The following PXN variants were observed in gnomAD, a reference collection of about 807,000 sequenced individuals.
PXN encodes the protein testicular tissue protein Li 134.
In PXN, 61 loss-of-function variants were observed where a neutral mutation model predicts 103.6. That is an observed-to-expected ratio of 0.59 (90% confidence interval 0.48 to 0.73). PXN has a LOEUF of 0.73. Among genes scored for constraint, PXN ranks in the 30% least tolerant of loss-of-function variants. The pLI is 0.00. For missense variants in PXN, 1,274 were observed against 1,460.3 expected (o/e 0.87, Z 2.08); for synonymous variants, 562 against 607.8 (o/e 0.92, Z 1.11).
chr12:120,246,150 G>A lies in PXN; in HGVS notation c.13+19467C>T, dbSNP rs552824723. 3.1e-3 allele frequency among the ~76,000 whole-genome samples: 475 copies of A among 152,312 alleles called. 1 individual carries two copies. Among genetic ancestry groups the A allele is most frequent in the African/African-American group, 0.011 (458 of 41,556 alleles). ...ACCTATAATCCCAGCGCATTGGGAGGCCAAAGCAGGAGGATTGCTTGAGGC... is the reference window on the plus strand; with the variant it reads ...ACCTATAATCCCAGCGCATTGGGAGACCAAAGCAGGAGGATTGCTTGAGGC... On this transcript the variant is annotated intron_variant, in intron 1 of 14. Transcript: ENST00000637617.
intron 1 of PXN, among the ~76,000 whole-genome samples, chr12:120,248,433 A>G (rs572515191): frequency 6.7e-6 from 1 of 149,222 alleles, no homozygotes; most frequent in South Asian, 2.1e-4. Context: ...CACCTGGTTG[A>G]CTATGTTTCC....
intron 1 of PXN, among the ~76,000 whole-genome samples, chr12:120,258,962 G>A (rs530277748): frequency 2.6e-5 from 4 of 152,148 alleles, no homozygotes; most frequent in African/African-American, 9.6e-5. Context: ...CCAGCTACTC[G>A]GGAGACTGAG....
At position 120,214,090 on chromosome 12, in the gene PXN, G is replaced by A. The variant is rs777866965; in HGVS notation, c.2830+46C>T. ...CAGCGTCTCCCACCCCCACCTCCCC[G>A]GCCCTCCTAAGAGGCGGTGGGTCAG... On this transcript the variant is annotated intron_variant, in intron 13 of 14. Transcript: ENST00000637617. This position sits in a 1 kb window ranked among gnomAD's most constrained non-coding sequence, Gnocchi z 5.0. The A allele has an allele frequency of 1.2e-5, 19 of 1,557,806 alleles. No individual in the cohort carries two copies. The highest frequency in any genetic ancestry group is 3.4e-4 in the Middle Eastern group (2 of 5,966).
chr12:120,224,435 G>T lies in PXN; in HGVS notation c.14-58C>A. On this transcript the variant is annotated intron_variant, in intron 1 of 14. Coordinates refer to ENST00000637617, the MANE Select transcript of PXN (RefSeq NM_001385981.1). This position sits in a 1 kb window ranked among gnomAD's most constrained non-coding sequence, Gnocchi z 5.0. ...ACCGGGATCCTGGGGACTCTCCCGT[G>T]GCAGGGCCCTCCCTGCCTGCACCTC... 1 of 1,277,620 alleles carries T rather than the reference G, an allele frequency of 7.8e-7. No individual in the cohort carries two copies. Among genetic ancestry groups the T allele is most frequent in the Non-Finnish European group, 1.1e-6 (1 of 875,576 alleles). The allele number at this position is 1,277,620 out of a possible 1,614,324, so 79.1% of individuals were successfully genotyped here.
In PXN at chr12:120,222,514, CT is replaced by C; in HGVS notation, c.695+34del. On this transcript the variant is annotated intron_variant, in intron 5 of 14. Transcript: ENST00000637617. This position sits in a 1 kb window ranked among gnomAD's most constrained non-coding sequence, Gnocchi z 4.7. ...GGACCCGGGGCAGGCTGGGCCAGCC[CT>C]TCCCCACCTGGGGAGGGCCCAGTGG... 1 of 1,557,412 alleles carries C rather than the reference CT, an allele frequency of 6.4e-7. No individual in the cohort carries two copies.
intron 1 of PXN, among the ~76,000 whole-genome samples, chr12:120,244,647 CG>C (rs1441401264): frequency 2.8e-5 from 4 of 140,486 alleles, no homozygotes; most frequent in African/African-American, 5.3e-5. Flanking sequence ...GACTCCGTCT[CG>C]GAAAAAAAAA....
rs1279722639 is a variant in PXN at position 120,216,255 on chromosome 12, G to A, written c.2301+18C>T. 2.4e-6 allele frequency: 3 copies of A among 1,275,234 alleles called. No homozygotes were observed. The highest frequency in any genetic ancestry group is 3.0e-6 in the Non-Finnish European group (3 of 1,014,938). 79.0% of individuals were successfully genotyped at this position (1,275,234 alleles called of 1,614,324 possible). A position where few individuals can be genotyped will look rare whatever the true frequency, so the allele number is the denominator to read the frequency against. On this transcript the variant is annotated intron_variant, in intron 9 of 14. Transcript: ENST00000637617. This position sits in a 1 kb window ranked among gnomAD's most constrained non-coding sequence, Gnocchi z 5.1. ...TTAGGACAGGGGACAGAAAGGGAGG[G>A]GCTCCTTTAAGGCCTGCCTGCATCG...
chr12:120,227,966 C>T (rs1309498249), intron 1 of PXN, among the ~76,000 whole-genome samples: 1 of 152,220 alleles, frequency 6.6e-6, no homozygotes, highest in Non-Finnish European at 1.5e-5. Flanking sequence ...GGCAGAGCCC[C>T]ATCCCAGCGG....
intron 1 of PXN, among the ~76,000 whole-genome samples, chr12:120,234,204 T>C (rs779517527): frequency 9.2e-5 from 14 of 151,958 alleles, no homozygotes; most frequent in Non-Finnish European, 5.9e-5. Flanking sequence ...TTCGAAACCA[T>C]GTTGGCCTGG....
intron 1 of PXN, among the ~76,000 whole-genome samples, chr12:120,256,394 C>T (rs1394111829): frequency 1.3e-5 from 2 of 151,942 alleles, no homozygotes; most frequent in African/African-American, 4.8e-5. Context: ...GAGAACAAGA[C>T]CCTGTGAGAA....
rs1037892201 is a variant in PXN, at chr12:120,212,755, A to C, written c.2980-175T>G. On this transcript the variant is annotated intron_variant, in intron 14 of 14. Transcript: ENST00000637617. The surrounding 1 kb of genome is among the most constrained non-coding windows in gnomAD (Gnocchi z 7.2). Reference sequence around the variant, plus strand: ...TTTTTCATTTTTATTTTATTAAATAAATTTTTTTTGTAGAGATGGGGGTCT... The same window carrying C: ...TTTTTCATTTTTATTTTATTAAATACATTTTTTTTGTAGAGATGGGGGTCT... 2.1e-5 allele frequency: 15 copies of C among 710,214 alleles called. No individual in the cohort carries two copies. The East Asian group carries it at 2.4e-4, about 12-fold the overall frequency. 44.0% of individuals were successfully genotyped at this position (710,214 alleles called of 1,614,324 possible). A position where few individuals can be genotyped will look rare whatever the true frequency, so the allele number is the denominator to read the frequency against.
At chr12:120,250,079 C>T in intron 1 of PXN, 1 of 985,660 alleles carries the variant, frequency 1.0e-6, no homozygotes, top group Admixed American at 6.1e-5. Context: ...CCAGAGGAGC[C>T]CATCCCACTC....
At position 120,210,719 on chromosome 12, in the gene PXN, G is replaced by A. The variant is rs946835694; in HGVS notation, c.*1595C>T. The A allele has an allele frequency of 2.6e-5, 4 of 152,900 alleles. No individual in the cohort carries two copies. Among genetic ancestry groups the A allele is most frequent in the African/African-American group, 7.2e-5 (3 of 41,572 alleles). The allele number at this position is 152,900 out of a possible 1,614,324, so 9.5% of individuals were successfully genotyped here. On this transcript the variant is annotated 3_prime_UTR_variant, in exon 15 of 15. Coordinates refer to ENST00000637617, the MANE Select transcript of PXN (RefSeq NM_001385981.1). ...CCCCCAAAAAGGAGGGACCCTCTTC[G>A]GAGACCCCAGCACACTCGGCTTCTG...
chr12:120,253,508 G>A (rs1003184648), intron 1 of PXN, among the ~76,000 whole-genome samples: 2 of 152,092 alleles, frequency 1.3e-5, no homozygotes, highest in African/African-American at 4.8e-5. Context: ...AAAGAGACCG[G>A]GCTAGTTGTG....
chr12:120,238,359 GT>G (rs913893001), intron 1 of PXN, among the ~76,000 whole-genome samples: 3 of 152,180 alleles, frequency 2.0e-5, no homozygotes, highest in Admixed American at 2.0e-4. Context: ...AGCCTCATGG[GT>G]AAACTGAACG....
At position 120,244,809 on chromosome 12, in the gene PXN, G is replaced by A. The variant is rs185890801; in HGVS notation, c.14-20432C>T. On this transcript the variant is annotated intron_variant, in intron 1 of 14. Transcript: ENST00000637617. ...TGCACTCCAGCCTGGGTGACAGAGCGAGACTCTGTCTCAAAACAAATAAAT... is the reference window on the plus strand; with the variant it reads ...TGCACTCCAGCCTGGGTGACAGAGCAAGACTCTGTCTCAAAACAAATAAAT... Among the ~76,000 whole-genome samples, 1,231 of 151,784 alleles carry A rather than the reference G, an allele frequency of 8.1e-3. 31 individuals carry two copies. The highest frequency in any genetic ancestry group is 0.059 in the Admixed American group (894 of 15,238).
intron 1 of PXN, among the ~76,000 whole-genome samples, chr12:120,232,943 G>C (rs1448434497): frequency 6.6e-6 from 1 of 152,154 alleles, no homozygotes; most frequent in East Asian, 1.9e-4. Context: ...GACTTCCCCA[G>C]TTCTCTTTTC....
At chr12:120,239,547 A>G (rs1009106792) in intron 1 of PXN, among the ~76,000 whole-genome samples, 5 of 152,004 alleles carry the variant, frequency 3.3e-5, no homozygotes, top group African/African-American at 9.7e-5. Context: ...GTGCCACTGC[A>G]CTCCAACCTG....
At position 120,212,737 on chromosome 12, in the gene PXN, T is replaced by G. The variant is rs942153071; in HGVS notation, c.2980-157A>C. On this transcript the variant is annotated intron_variant, in intron 14 of 14. Transcript: ENST00000637617. The surrounding 1 kb of genome is among the most constrained non-coding windows in gnomAD (Gnocchi z 7.2). ...TGTTGTCCTAAACGCTCATTTTTCATTTTTATTTTATTAAATAAATTTTTT... is the reference window on the plus strand; with the variant it reads ...TGTTGTCCTAAACGCTCATTTTTCAGTTTTATTTTATTAAATAAATTTTTT... The G allele has an allele frequency of 2.6e-6, 2 of 778,236 alleles. No homozygotes were observed. Among genetic ancestry groups the G allele is most frequent in the Admixed American group, 7.0e-5 (2 of 28,614 alleles). The allele number at this position is 778,236 out of a possible 1,614,324, so 48.2% of individuals were successfully genotyped here. A position where few individuals can be genotyped will look rare whatever the true frequency, so the allele number is the denominator to read the frequency against.
Sources: allele counts gnomAD v4.1 joint callset (sites outside exome capture counted in the v4.1 genomes callset), GRCh38; gene constraint gnomAD v4.1.1; non-coding constraint Gnocchi (gnomAD v3.1); transcripts MANE v1.5; gene names NCBI Gene and HGNC (gene_info 2026-07-23, HGNC 2026-07-21).